Variants in SCAI observed in about 807,000 individuals in gnomAD.
SCAI encodes the protein suppressor of cancer cell invasion, also known as protein SCAI.
SCAI carries 24 observed loss-of-function variants against 92.2 expected under a neutral mutation model. The observed-to-expected ratio is 0.26, with a 90% confidence interval of 0.19 to 0.37. The LOEUF is 0.37. Ranked by LOEUF, SCAI falls within the 10% of genes least tolerant of loss-of-function variation. SCAI has a pLI of 1.00. For synonymous variants in SCAI, 261 were observed against 258.6 expected (o/e 1.01, Z -0.09); for missense variants, 450 against 736.2 (o/e 0.61, Z 4.50).
At chr9:125,092,717 C>T (rs1834459948) in intron 2 of SCAI, among the ~76,000 whole-genome samples, 1 of 152,234 alleles carries the variant, frequency 6.6e-6, no homozygotes, top group Non-Finnish European at 1.5e-5. Context: ...TGCTGGATAA[C>T]TATCATCAGC....
intron 2 of SCAI, among the ~76,000 whole-genome samples, chr9:125,125,258 C>G (rs1327905774): frequency 6.6e-6 from 1 of 151,456 alleles, no homozygotes; most frequent in Non-Finnish European, 1.5e-5. Context: ...GAAGGCCAGG[C>G]GCGGTGTCTC....
chr9:125,125,335 G>C (rs1270419120), intron 2 of SCAI, among the ~76,000 whole-genome samples: 1 of 152,012 alleles, frequency 6.6e-6, no homozygotes, highest in Non-Finnish European at 1.5e-5. Context: ...TCCAGACTAG[G>C]CTGGCCAACA....
intron 14 of SCAI, 69 bp from the exon 15 acceptor site, chr9:124,976,255 A>G: frequency 8.7e-7 from 1 of 1,145,030 alleles, no homozygotes; most frequent in Non-Finnish European, 1.3e-6. Context: ...GTAATTTTCC[A>G]AAGCATATTT....
chr9:125,106,144 T>TATATATATATATATATAC (rs1564415402), intron 2 of SCAI, among the ~76,000 whole-genome samples: 2 of 108,660 alleles, frequency 1.8e-5, no homozygotes. Context: ...TATATATATA[T>TATATATATATATATATAC]ATATATATAT....
chr9:124,997,852 G>A (rs183890899), intron 13 of SCAI, among the ~76,000 whole-genome samples: 21 of 149,456 alleles, frequency 1.4e-4, no homozygotes, highest in Admixed American at 8.0e-4. Context: ...CTCCAGCCTG[G>A]GCGGCAGAGT....
intron 6 of SCAI, among the ~76,000 whole-genome samples, chr9:125,022,659 C>T (rs75221323): frequency 4.9e-4 from 75 of 152,246 alleles, no homozygotes; most frequent in African/African-American, 1.7e-3. Context: ...CGCAAGCAAT[C>T]TTCCCATCTT....
chr9:125,143,485 G>T lies in SCAI; in HGVS notation c.-48C>A. The T allele has an allele frequency of 7.6e-7, 1 of 1,312,514 alleles. No individual in the cohort carries two copies. The highest frequency in any genetic ancestry group is 9.7e-7 in the Non-Finnish European group (1 of 1,029,702). 81.3% of individuals were successfully genotyped at this position (1,312,514 alleles called of 1,614,324 possible). A position where few individuals can be genotyped will look rare whatever the true frequency, so the allele number is the denominator to read the frequency against. On this transcript the variant is annotated 5_prime_UTR_variant, in exon 1 of 18. Transcript: ENST00000336505. ...AGCTGCTCCGGCGGCCGCAGGGCTCGCTCGGGAAGCTGAGGCGGCGGAGGC... is the reference window on the plus strand; with the variant it reads ...AGCTGCTCCGGCGGCCGCAGGGCTCTCTCGGGAAGCTGAGGCGGCGGAGGC...
chr9:125,013,184 C>A (rs1329830627), intron 9 of SCAI, among the ~76,000 whole-genome samples: 2 of 151,518 alleles, frequency 1.3e-5, no homozygotes, highest in African/African-American at 2.4e-5. Context: ...AAAATCAGAG[C>A]AGAACTGAAG....
At chr9:125,042,634 TACACACACACACAC>T (rs1554783862) in intron 3 of SCAI, among the ~76,000 whole-genome samples, 123 of 96,216 alleles carry the variant, frequency 1.3e-3, no homozygotes, top group Non-Finnish European at 2.0e-3. Context: ...TGTGTGTGTG[TACACACACACACAC>T]ACACACACAC....
chr9:125,046,180 A>G (rs10819026), intron 3 of SCAI, among the ~76,000 whole-genome samples: 101,430 of 104,318 alleles, frequency 0.97, 49,418 homozygotes, highest in Non-Finnish European at 1. Context: ...TCAACAAGTG[A>G]ATAAAGAAAT....
chr9:125,134,643 T>C (rs1389220567), intron 2 of SCAI, among the ~76,000 whole-genome samples: 2 of 152,222 alleles, frequency 1.3e-5, no homozygotes, highest in Admixed American at 6.5e-5. Context: ...TCTTCAGAAT[T>C]TTCCAAAAGC....
chr9:125,085,992 T>C (rs1290658899), intron 2 of SCAI, among the ~76,000 whole-genome samples: 3 of 152,154 alleles, frequency 2.0e-5, no homozygotes, highest in African/African-American at 4.8e-5. Context: ...CAAACATAAG[T>C]AGACAGTAAT....
intron 2 of SCAI, among the ~76,000 whole-genome samples, chr9:125,105,347 GGAA>G (rs527435889): frequency 1.3e-5 from 2 of 152,244 alleles, no homozygotes; most frequent in East Asian, 3.9e-4. Flanking sequence ...CAGTAAATAA[GGAA>G]AGATTCTATT....
At position 125,010,174 on chromosome 9, in the gene SCAI, T is replaced by C. The variant is rs545280278; in HGVS notation, c.862-6604A>G. On this transcript the variant is annotated intron_variant, in intron 9 of 17. Coordinates refer to ENST00000336505, the MANE Select transcript of SCAI (RefSeq NM_001144877.3). ...GTTCATCTCACTAGGGAGCACGCAGTGGGCGCAGGACAGTGGGTGCAGCGC... is the reference window on the plus strand; with the variant it reads ...GTTCATCTCACTAGGGAGCACGCAGCGGGCGCAGGACAGTGGGTGCAGCGC... 4.6e-5 allele frequency among the ~76,000 whole-genome samples: 7 copies of C among 152,258 alleles called. No individual in the cohort carries two copies. In the East Asian group the frequency reaches 1.4e-3, roughly 29 times the overall value.
rs1564374778 is a variant in SCAI at position 125,004,772 on chromosome 9, TATA to T, written c.862-1205_862-1203del. Among the ~76,000 whole-genome samples, 73 of 9,638 alleles carry T rather than the reference TATA, an allele frequency of 7.6e-3. 1 individual carries two copies. Among genetic ancestry groups the T allele is most frequent in the African/African-American group, 0.014 (41 of 3,008 alleles). 6.3% of individuals were successfully genotyped at this position (9,638 alleles called of 152,430 possible). On this transcript the variant is annotated intron_variant, in intron 9 of 17. Transcript: ENST00000336505. ...ATATATATATATATATATATATATATATATATATTTTTTTTTTTTTTTTTTTTT... is the reference window on the plus strand; with the variant it reads ...ATATATATATATATATATATATATATTATATTTTTTTTTTTTTTTTTTTTT...
chr9:125,127,410 T>A (rs1410070116), intron 2 of SCAI, among the ~76,000 whole-genome samples: 1 of 151,538 alleles, frequency 6.6e-6, no homozygotes, highest in South Asian at 2.1e-4. Flanking sequence ...GCAGAATTTT[T>A]TTTTTTTTTT....
chr9:124,961,682 G>T (rs1831438443), intron 17 of SCAI, among the ~76,000 whole-genome samples: 2 of 151,490 alleles, frequency 1.3e-5, no homozygotes, highest in Admixed American at 6.6e-5. Flanking sequence ...CTGATGAATG[G>T]TAAGACGAAT....
At chr9:124,992,899 A>C (rs1447155383) in intron 14 of SCAI, among the ~76,000 whole-genome samples, 2 of 152,234 alleles carry the variant, frequency 1.3e-5, no homozygotes, top group Non-Finnish European at 2.9e-5. Context: ...TGTCTTTAAA[A>C]GTCGGCATCC....
chr9:125,110,466 T>C (rs1834907514), intron 2 of SCAI, among the ~76,000 whole-genome samples: 1 of 152,170 alleles, frequency 6.6e-6, no homozygotes, highest in African/African-American at 2.4e-5. Flanking sequence ...ACGACTGATA[T>C]GGTTTGCATC....
Sources: gnomAD v4.1 joint callset for allele counts (sites outside exome capture counted in the v4.1 genomes callset) on GRCh38, gnomAD v4.1.1 for gene constraint, MANE v1.5 for transcripts, NCBI Gene and HGNC (gene_info 2026-07-23, HGNC 2026-07-21) for gene names.